PPP4R1: variants seen among roughly 807,000 people sequenced by gnomAD.
The protein encoded by PPP4R1 is serine/threonine-protein phosphatase 4 regulatory subunit 1.
Under a neutral mutation model 111.2 loss-of-function variants are expected in PPP4R1, and 42 were observed. The observed-to-expected ratio is 0.38, with a 90% CI of 0.29 to 0.49. PPP4R1 has a LOEUF of 0.49. PPP4R1 is among the 20% of genes least tolerant of loss of function. PPP4R1 has a pLI of 0.97. For missense variants in PPP4R1, 1,012 were observed against 1,161.6 expected (o/e 0.87, Z 1.87); for synonymous variants, 409 against 405.5 (o/e 1.01, Z -0.10).
At chr18:9,581,369 A>G (rs568293777) in intron 9 of PPP4R1, among the ~76,000 whole-genome samples, 1 of 152,336 alleles carries the variant, frequency 6.6e-6, no homozygotes, top group African/African-American at 2.4e-5. Context: ...TATAACATCA[A>G]TAAAGAGAAA....
chr18:9,579,193 T>G (rs2066986364), intron 9 of PPP4R1, among the ~76,000 whole-genome samples: 1 of 152,206 alleles, frequency 6.6e-6, no homozygotes, highest in South Asian at 2.1e-4. Context: ...TGAGTAATTT[T>G]CCAACACTAT....
Position 9,614,207 on chromosome 18 carries a change from G to C in PPP4R1, c.52+19C>G, listed in dbSNP as rs2145390281. The C allele has an allele frequency of 2.2e-6, 3 of 1,352,506 alleles. No homozygotes were observed. The highest frequency in any genetic ancestry group is 2.9e-6 in the Non-Finnish European group (3 of 1,038,966). The allele number at this position is 1,352,506 out of a possible 1,614,324, so 83.8% of individuals were successfully genotyped here. A position where few individuals can be genotyped will look rare whatever the true frequency, so the allele number is the denominator to read the frequency against. The stretch of plus-strand genomic sequence containing the variant: ...GCTCCCCGCGGACTGCCAGGCCACC[G>C]CGAGGCCGGGCCACTCACATCCGTC... On this transcript the variant is annotated intron_variant, in intron 2 of 19. Transcript: ENST00000400556. The surrounding 1 kb of genome is among the most constrained non-coding windows in gnomAD (Gnocchi z 4.1).
intron 10 of PPP4R1, among the ~76,000 whole-genome samples, chr18:9,576,655 A>T (rs1165846320): frequency 6.6e-6 from 1 of 152,202 alleles, no homozygotes; most frequent in African/African-American, 2.4e-5. Context: ...CATATTCCTA[A>T]ATTAAGTTTT....
chr18:9,568,912 G>A (rs1020472507), intron 11 of PPP4R1, among the ~76,000 whole-genome samples: 3 of 152,108 alleles, frequency 2.0e-5, no homozygotes, highest in African/African-American at 7.2e-5. Flanking sequence ...GCGCACGCCT[G>A]TAGTCCCAGC....
At chr18:9,613,248 C>T (rs1367270919) in intron 2 of PPP4R1, among the ~76,000 whole-genome samples, 1 of 152,198 alleles carries the variant, frequency 6.6e-6, no homozygotes, top group African/African-American at 2.4e-5. Flanking sequence ...TTTTAAAATG[C>T]ATCTCAAAAC....
chr18:9,602,463 A>G (rs1022109752), intron 2 of PPP4R1, among the ~76,000 whole-genome samples: 1 of 149,938 alleles, frequency 6.7e-6, no homozygotes, highest in Non-Finnish European at 1.5e-5. Context: ...GGAGAATGGC[A>G]TGAACCCGGG....
Position 9,595,007 on chromosome 18 carries a change from T to C in PPP4R1, c.188+11A>G. The C allele has an allele frequency of 6.2e-7, 1 of 1,611,062 alleles. No individual in the cohort carries two copies. On this transcript the variant is annotated intron_variant, in intron 3 of 19. Transcript: ENST00000400556. ...TCCACTTCCACTTTAACAAAAAGAA[T>C]ATGCACATACCTGTTAAATATGTTC... is the stretch of plus-strand genomic sequence containing the variant.
chr18:9,606,496 G>A (rs758432801), intron 2 of PPP4R1, among the ~76,000 whole-genome samples: 8 of 152,222 alleles, frequency 5.3e-5, no homozygotes, highest in Admixed American at 2.6e-4. Context: ...CCAGCAACAG[G>A]TATGTCAAAC....
chr18:9,578,411 A>AT (rs911261980), intron 9 of PPP4R1, among the ~76,000 whole-genome samples: 21 of 151,538 alleles, frequency 1.4e-4, no homozygotes, highest in Admixed American at 8.5e-4. Context: ...TAATTTTTCT[A>AT]TTTTTTTTGC....
chr18:9,603,778 C>G (rs747894681), intron 2 of PPP4R1, among the ~76,000 whole-genome samples: 11 of 152,122 alleles, frequency 7.2e-5, no homozygotes, highest in Non-Finnish European at 1.3e-4. Context: ...AGCCACCTTG[C>G]CTGACATAAA....
intron 2 of PPP4R1, among the ~76,000 whole-genome samples, chr18:9,608,347 C>T (rs2067519698): frequency 6.6e-6 from 1 of 152,196 alleles, no homozygotes; most frequent in Non-Finnish European, 1.5e-5. Flanking sequence ...GCCCAGTGTT[C>T]TTTCCCCTAC....
At chr18:9,608,481 G>A (rs559002661) in intron 2 of PPP4R1, among the ~76,000 whole-genome samples, 1 of 152,312 alleles carries the variant, frequency 6.6e-6, no homozygotes, top group Non-Finnish European at 1.5e-5. Context: ...GAGATAAGAA[G>A]CTAAGATGAC....
At chr18:9,550,749 T>C (rs1302084684) in intron 16 of PPP4R1, 3 of 187,500 alleles carry the variant, frequency 1.6e-5, no homozygotes, top group Non-Finnish European at 3.3e-5. Context: ...AGCTTCCATC[T>C]ACAATCAAGT....
At position 9,570,653 on chromosome 18, in the gene PPP4R1, T is replaced by C. The variant is rs746209888; in HGVS notation, c.1077A>G (p.Val359=). 7 of 1,591,616 alleles carry C rather than the reference T, an allele frequency of 4.4e-6. No individual in the cohort carries two copies. Among genetic ancestry groups the C allele is most frequent in the Non-Finnish European group, 6.0e-6 (7 of 1,168,428 alleles). The change falls in exon 11 of 20, where the codon GTA becomes GTG. Residue 359 remains valine (V), a synonymous_variant. Coordinates refer to ENST00000400556, the MANE Select transcript of PPP4R1 (RefSeq NM_001042388.3). ...AAGGAGTATCCTCTGGCCTGACTTG[T>C]ACATCCTCTGGGGCTTCTTGATCTC... ...RTRDQEAPED[V]QVRPEDTPSD...
intron 9 of PPP4R1, among the ~76,000 whole-genome samples, chr18:9,578,301 C>T (rs1312192420): frequency 6.6e-6 from 1 of 152,198 alleles, no homozygotes; most frequent in Non-Finnish European, 1.5e-5. Context: ...AGTGGTGCTA[C>T]CATGGCTCAC....
intron 3 of PPP4R1, chr18:9,594,779 A>G (rs2067265078): frequency 2.3e-6 from 1 of 427,842 alleles, no homozygotes; most frequent in Non-Finnish European, 4.1e-6. Context: ...CCAGTGGCAG[A>G]AAAGCAATGG....
At chr18:9,612,093 C>T (rs957352953) in intron 2 of PPP4R1, among the ~76,000 whole-genome samples, 1 of 152,158 alleles carries the variant, frequency 6.6e-6, no homozygotes, top group Non-Finnish European at 1.5e-5. Flanking sequence ...ATCAGTGTTT[C>T]CTTCTCTGCT....
At chr18:9,569,261 T>C (rs542841917) in intron 11 of PPP4R1, among the ~76,000 whole-genome samples, 83 of 151,408 alleles carry the variant, frequency 5.5e-4, no homozygotes, top group African/African-American at 1.9e-3. Context: ...CTTAAGTTGG[T>C]AAATAATAAC....
intron 9 of PPP4R1, among the ~76,000 whole-genome samples, chr18:9,581,988 G>C (rs1442049920): frequency 1.3e-5 from 2 of 152,100 alleles, no homozygotes; most frequent in Non-Finnish European, 1.5e-5. Flanking sequence ...GACATTCACA[G>C]ATAAATGAAA....
Sources: gnomAD v4.1 joint callset for allele counts (sites outside exome capture counted in the v4.1 genomes callset) on GRCh38, gnomAD v4.1.1 for gene constraint, Gnocchi (gnomAD v3.1) non-coding constraint, MANE v1.5 for transcripts, NCBI Gene and HGNC (gene_info 2026-07-23, HGNC 2026-07-21) for gene names.